AGAP1: variants seen among roughly 807,000 people sequenced by gnomAD.
The protein encoded by AGAP1 is ArfGAP with GTPase domain, ankyrin repeat and PH domain 1.
In AGAP1, 29 loss-of-function variants were observed where a neutral mutation model predicts 105.3. The ratio of observed to expected loss-of-function variants is 0.28; its 90% CI spans 0.21 to 0.38. AGAP1 has a LOEUF of 0.38. Ranked by LOEUF, AGAP1 falls within the 10% of genes least tolerant of loss-of-function variation. AGAP1 has a pLI of 1.00. For missense variants in AGAP1, 998 were observed against 1,165.1 expected, an observed-to-expected ratio of 0.86 and a Z score of 2.09; for synonymous variants, 509 against 485.9, an observed-to-expected ratio of 1.05 and a Z score of -0.63.
Position 235,787,504 on chromosome 2 carries a change from C to CA in AGAP1, c.674-10253dup, listed in dbSNP as rs1956721957. Among the ~76,000 whole-genome samples, 1 of 152,176 alleles carries CA rather than the reference C, an allele frequency of 6.6e-6. No homozygotes were observed. The highest frequency in any genetic ancestry group is 6.5e-5 in the Admixed American group (1 of 15,280). On this transcript the variant is annotated intron_variant, in intron 6 of 17. Coordinates refer to ENST00000304032, the MANE Select transcript of AGAP1 (RefSeq NM_001037131.3). The surrounding 1 kb of genome is among the most constrained non-coding windows in gnomAD (Gnocchi z 4.4). The stretch of plus-strand genomic sequence containing the variant: ...ACACATTGGGAGAGAAAGGTGCAGA[C>CA]AAGGTGTGCAGGAGGTGGATGTGAT...
rs192359493 is a variant in AGAP1 at position 235,904,798 on chromosome 2, G to C, written c.1156-3940G>C. Among the ~76,000 whole-genome samples the C allele has an allele frequency of 3.3e-5, 5 of 152,136 alleles. No individual in the cohort carries two copies. Among genetic ancestry groups the C allele is most frequent in the East Asian group, 1.9e-4 (1 of 5,186 alleles). ...TTTCAAAACCAGAAAGCTCAGTGTC[G>C]TTTCTCTTGGGAGGAACTTGAAGCC... On this transcript the variant is annotated intron_variant, in intron 10 of 17. Coordinates refer to ENST00000304032, the MANE Select transcript of AGAP1 (RefSeq NM_001037131.3). The surrounding 1 kb of genome is among the most constrained non-coding windows in gnomAD (Gnocchi z 4.2).
At chr2:236,081,915 A>C (rs1343857008) in intron 16 of AGAP1, among the ~76,000 whole-genome samples, 1 of 152,162 alleles carries the variant, frequency 6.6e-6, no homozygotes, top group Non-Finnish European at 1.5e-5. Flanking sequence ...TTGGGTTTTA[A>C]TCCCTGGAAC....
chr2:235,981,391 T>C lies in AGAP1; in HGVS notation c.1645+12768T>C, dbSNP rs929563803. Among the ~76,000 whole-genome samples, 8 of 152,270 alleles carry C rather than the reference T, an allele frequency of 5.3e-5. No homozygotes were observed. Among genetic ancestry groups the C allele is most frequent in the African/African-American group, 1.7e-4 (7 of 41,560 alleles). On this transcript the variant is annotated intron_variant, in intron 13 of 17. Transcript: ENST00000304032. The surrounding 1 kb of genome is among the most constrained non-coding windows in gnomAD (Gnocchi z 5.5). The stretch of plus-strand genomic sequence containing the variant: ...CAGAAGCCATGATATACTGTAGGCA[T>C]GGTTACCAGAACACCCCTAAGAGAG...
chr2:235,966,883 CGTAT>C (rs1559704541), intron 12 of AGAP1, among the ~76,000 whole-genome samples: 2 of 152,064 alleles, frequency 1.3e-5, no homozygotes, highest in African/African-American at 4.8e-5. Context: ...TTCTTGGGAC[CGTAT>C]GTATTTCTCA....
At chr2:235,683,562 A>T (rs1008015965) in intron 1 of AGAP1, among the ~76,000 whole-genome samples, 3 of 151,516 alleles carry the variant, frequency 2.0e-5, no homozygotes, top group African/African-American at 7.3e-5. Flanking sequence ...TAAATGTGCT[A>T]AATGTAAGTT....
At chr2:236,086,649 A>T (rs1382426962) in intron 16 of AGAP1, among the ~76,000 whole-genome samples, 6 of 152,154 alleles carry the variant, frequency 3.9e-5, no homozygotes, top group Non-Finnish European at 7.3e-5. Context: ...AAAATTTTCA[A>T]CATTCTTAGG....
In AGAP1 at chr2:235,899,800, G is replaced by T. The variant is rs180797246; in HGVS notation, c.1156-8938G>T. Reference sequence around the variant, plus strand: ...GCAGCTGTTTTCATATCCGAGGCATGCATCGTACAGGCTAGGTTTGAGCAG... The same window carrying T: ...GCAGCTGTTTTCATATCCGAGGCATTCATCGTACAGGCTAGGTTTGAGCAG... On this transcript the variant is annotated intron_variant, in intron 10 of 17. Coordinates refer to ENST00000304032, the MANE Select transcript of AGAP1 (RefSeq NM_001037131.3). 7.1e-4 allele frequency among the ~76,000 whole-genome samples: 102 copies of T among 143,566 alleles called. No homozygotes were observed. The South Asian group carries it at 0.011, about 15-fold the overall frequency. The allele number at this position is 143,566 out of a possible 152,430, so 94.2% of individuals were successfully genotyped here. A position where few individuals can be genotyped will look rare whatever the true frequency, so the allele number is the denominator to read the frequency against.
chr2:235,572,683 C>T (rs1005821070), intron 1 of AGAP1, among the ~76,000 whole-genome samples: 6 of 152,218 alleles, frequency 3.9e-5, no homozygotes, highest in Non-Finnish European at 7.3e-5. Flanking sequence ...ATCACCTTGG[C>T]TAGAAGTCAC....
chr2:235,895,291 C>T (rs1029287979), intron 10 of AGAP1, among the ~76,000 whole-genome samples: 3 of 152,068 alleles, frequency 2.0e-5, no homozygotes, highest in African/African-American at 7.2e-5. Flanking sequence ...GGAGAAGATC[C>T]CCTCTCCCGC....
rs1364218904 is a variant in AGAP1, at chr2:235,621,373, G to C, written c.164-87806G>C. ...GTTTCTTCATATGTTTCAATAAAAT[G>C]GGTATGTTAACAGTCTCTACCTCCC... On this transcript the variant is annotated intron_variant, in intron 1 of 17. Coordinates refer to ENST00000304032, the MANE Select transcript of AGAP1 (RefSeq NM_001037131.3). This position sits in a 1 kb window ranked among gnomAD's most constrained non-coding sequence, Gnocchi z 4.1. Among the ~76,000 whole-genome samples, 1 of 152,156 alleles carries C rather than the reference G, an allele frequency of 6.6e-6. No homozygotes were observed. Among genetic ancestry groups the C allele is most frequent in the Non-Finnish European group, 1.5e-5 (1 of 68,032 alleles).
intron 1 of AGAP1, among the ~76,000 whole-genome samples, chr2:235,666,657 C>A (rs747658613): frequency 3.3e-5 from 5 of 150,390 alleles, no homozygotes; most frequent in Non-Finnish European, 7.4e-5. Context: ...TCTTCTACTC[C>A]GCAGCCCGCA....
chr2:235,676,852 A>T (rs1200434009), intron 1 of AGAP1, among the ~76,000 whole-genome samples: 1 of 152,220 alleles, frequency 6.6e-6, no homozygotes, highest in African/African-American at 2.4e-5. Context: ...TAGTCTCATG[A>T]TGAGATAAAG....
intron 12 of AGAP1, among the ~76,000 whole-genome samples, chr2:235,938,762 T>C (rs2053110253): frequency 6.6e-6 from 1 of 151,944 alleles, no homozygotes; most frequent in Non-Finnish European, 1.5e-5. Flanking sequence ...GGGAAGCACA[T>C]GAAGCGGAGG....
chr2:235,651,675 GC>G (rs1401766551), intron 1 of AGAP1, among the ~76,000 whole-genome samples: 5 of 152,276 alleles, frequency 3.3e-5, no homozygotes, highest in African/African-American at 9.6e-5. Context: ...GCAACGTTGA[GC>G]CCCCCGAAAT....
intron 13 of AGAP1, among the ~76,000 whole-genome samples, chr2:236,015,391 G>C (rs2056661772): frequency 6.6e-6 from 1 of 150,602 alleles, no homozygotes; most frequent in Admixed American, 6.6e-5. Context: ...GCTGCTATTT[G>C]CTTGTAAAGT....
At position 235,981,189 on chromosome 2, in the gene AGAP1, A is replaced by G. The variant is rs1245643534; in HGVS notation, c.1645+12566A>G. ...ACATGCTGCCTCGGGGCCTGTGGTC[A>G]CTAAGCTTATATGAGGGACGAGAGC... On this transcript the variant is annotated intron_variant, in intron 13 of 17. Transcript: ENST00000304032. This position sits in a 1 kb window ranked among gnomAD's most constrained non-coding sequence, Gnocchi z 5.5. Among the ~76,000 whole-genome samples, 1 of 152,224 alleles carries G rather than the reference A, an allele frequency of 6.6e-6. No homozygotes were observed. Among genetic ancestry groups the G allele is most frequent in the Non-Finnish European group, 1.5e-5 (1 of 68,048 alleles).
At chr2:235,863,692 T>C (rs1338654615) in intron 9 of AGAP1, among the ~76,000 whole-genome samples, 1 of 152,172 alleles carries the variant, frequency 6.6e-6, no homozygotes, top group East Asian at 1.9e-4. Context: ...TACGGGTCGC[T>C]GGCCAATGCA....
At chr2:236,019,958 T>G (rs1311345357) in intron 13 of AGAP1, among the ~76,000 whole-genome samples, 1 of 152,214 alleles carries the variant, frequency 6.6e-6, no homozygotes, top group Non-Finnish European at 1.5e-5. Flanking sequence ...CAGTGAGCAT[T>G]CTCCAGGCTC....
intron 9 of AGAP1, among the ~76,000 whole-genome samples, chr2:235,811,397 G>A (rs1000266787): frequency 7.9e-5 from 12 of 152,218 alleles, no homozygotes; most frequent in Non-Finnish European, 1.3e-4. Flanking sequence ...AATTGAAAGC[G>A]TATCATTTTT....
Sources: allele counts gnomAD v4.1 joint callset (sites outside exome capture counted in the v4.1 genomes callset), GRCh38; gene constraint gnomAD v4.1.1; non-coding constraint Gnocchi (gnomAD v3.1); transcripts MANE v1.5; gene names NCBI Gene and HGNC (gene_info 2026-07-23, HGNC 2026-07-21).